The following RDH5 variants were observed in gnomAD, a reference collection of about 807,000 sequenced individuals.
The protein encoded by RDH5 is 11-cis RDH.
RDH5 carries 25 observed loss-of-function variants against 24.0 expected under a neutral mutation model. That is an observed-to-expected ratio of 1.04 (90% CI 0.76 to 1.46). The LOEUF is 1.46. RDH5 is among the 40% of genes most tolerant of loss of function. The pLI, the probability that RDH5 is intolerant of heterozygous loss-of-function variation, is 0.00. For synonymous variants in RDH5, 170 were observed against 175.2 expected (o/e 0.97, Z 0.23); for missense variants, 369 against 410.3 (o/e 0.90, Z 0.87).
At position 55,721,649 on chromosome 12, in the gene RDH5, T is replaced by G; in HGVS notation, c.311-40T>G. On this transcript the variant is annotated intron_variant, in intron 2 of 4. Coordinates refer to ENST00000257895, the MANE Select transcript of RDH5 (RefSeq NM_002905.5). The surrounding 1 kb of genome is among the most constrained non-coding windows in gnomAD (Gnocchi z 4.7). ...CAGGAAGAAGAGGGAGCTGTGGGAG[T>G]GCCTCACCTACCCCCAGCATCCTTT... The G allele has an allele frequency of 6.2e-7, 1 of 1,602,954 alleles. No individual in the cohort carries two copies. Among genetic ancestry groups the G allele is most frequent in the Admixed American group, 1.7e-5 (1 of 59,998 alleles).
In RDH5 at chr12:55,721,093, T is replaced by C. The variant is rs1876890173; in HGVS notation, c.-32-60T>C. On this transcript the variant is annotated intron_variant, in intron 1 of 4. Transcript: ENST00000257895. The surrounding 1 kb of genome is among the most constrained non-coding windows in gnomAD (Gnocchi z 4.7). ...ACCAGATGCTTCCAGCTAGGGAGGG[T>C]ATTAGGGGAAAGGGCTTGAGGGCCA... The C allele has an allele frequency of 1.8e-6, 2 of 1,088,500 alleles. No individual in the cohort carries two copies. Among genetic ancestry groups the C allele is most frequent in the Admixed American group, 3.4e-5 (2 of 58,570 alleles). The allele number at this position is 1,088,500 out of a possible 1,614,324, so 67.4% of individuals were successfully genotyped here.
Position 55,721,288 on chromosome 12 carries a change from G to T in RDH5, c.104G>T (p.Gly35Val). ...PASNAFVFIT[G>V]CDSGFGRLLA... ...AGCAATGCCTTTGTCTTCATCACCG[G>T]CTGTGACTCAGGCTTTGGGCGCCTT... Residue 35 changes from glycine (G) to valine (V), a missense_variant, in exon 2 of 5, where the codon GGC becomes GTC. Transcript: ENST00000257895. The surrounding 1 kb of genome is among the most constrained non-coding windows in gnomAD (Gnocchi z 4.7). 1 of 1,614,116 alleles carries T rather than the reference G, an allele frequency of 6.2e-7. No homozygotes were observed. The highest frequency in any genetic ancestry group is 8.5e-7 in the Non-Finnish European group (1 of 1,180,042).
intron 3 of RDH5, 86 bp downstream of exon 3, chr12:55,722,033 C>T: frequency 1.4e-6 from 2 of 1,384,356 alleles, no homozygotes; most frequent in Non-Finnish European, 2.0e-6. Flanking sequence ...AGATACAGCA[C>T]ATTGGAATAG....
intron 3 of RDH5, 187 bp downstream of exon 3, chr12:55,722,134 T>G (rs1333317674): frequency 1.6e-6 from 1 of 624,990 alleles, no homozygotes; most frequent in East Asian, 2.8e-5. Flanking sequence ...TTACTTCTCT[T>G]TACCCATTTT....
intron 3 of RDH5, chr12:55,722,199 G>C (rs1448228795): frequency 4.4e-6 from 2 of 454,596 alleles, no homozygotes; most frequent in Non-Finnish European, 7.9e-6. Context: ...CGCCAGGCTG[G>C]AGTGCAGTGG....
At chr12:55,724,279 A>G in intron 4 of RDH5, 43 bp from the exon 5 acceptor site, 10 of 1,604,320 alleles carry the variant, frequency 6.2e-6, no homozygotes, top group Non-Finnish European at 8.5e-6. Flanking sequence ...GATGGGCTGG[A>G]GTGAGGAAGG....
intron 3 of RDH5, 53 bp from the exon 4 acceptor site, chr12:55,723,833 G>A: frequency 3.1e-6 from 5 of 1,603,592 alleles, no homozygotes; most frequent in Non-Finnish European, 4.2e-6. Context: ...GTCCCTCAAA[G>A]TCCCCTCCCT....
chr12:55,724,189 C>A, intron 4 of RDH5, 133 bp from the exon 5 acceptor site: 2 of 1,432,418 alleles, frequency 1.4e-6, no homozygotes, highest in Non-Finnish European at 1.9e-6. Context: ...AGTGCCCAGG[C>A]CATGTGGAAC....
intron 3 of RDH5, chr12:55,722,854 A>G (rs1262929269): frequency 6.6e-6 from 1 of 152,136 alleles, no homozygotes; most frequent in Non-Finnish European, 1.5e-5. Context: ...CTGAGTTCTT[A>G]GCAGGAGTAT....
In RDH5 at chr12:55,724,387, T is replaced by C. The variant is rs1877098903; in HGVS notation, c.799T>C (p.Cys267Arg). The change falls in exon 5 of 5, where the codon TGC becomes CGC. Residue 267 changes from cysteine (C) to arginine (R), a missense_variant. Coordinates refer to ENST00000257895, the MANE Select transcript of RDH5 (RefSeq NM_002905.5). Reference protein sequence around the residue: ...CDPDLTKVSRCLEHALTARHP... With the variant: ...CDPDLTKVSRRLEHALTARHP... ...CCCGGACCTAACCAAGGTGAGCCGATGCCTGGAGCATGCCCTGACTGCTCG... is the reference window on the plus strand; with the variant it reads ...CCCGGACCTAACCAAGGTGAGCCGACGCCTGGAGCATGCCCTGACTGCTCG... 1.9e-6 allele frequency: 3 copies of C among 1,614,216 alleles called. No homozygotes were observed. Among genetic ancestry groups the C allele is most frequent in the Non-Finnish European group, 2.5e-6 (3 of 1,180,032 alleles).
chr12:55,723,902 T>C lies in RDH5; in HGVS notation c.586T>C (p.Phe196Leu), dbSNP rs1459367795. 3 of 1,613,970 alleles carry C rather than the reference T, an allele frequency of 1.9e-6. No individual in the cohort carries two copies. Among genetic ancestry groups the C allele is most frequent in the Admixed American group, 3.3e-5 (2 of 60,034 alleles). The change falls in exon 4 of 5, where the codon TTT (phenylalanine) becomes CTT (leucine). Residue 196 changes from phenylalanine (F) to leucine (L), a missense_variant. Phe to Leu is a conservative substitution (Grantham distance 22, BLOSUM62 0). Coordinates refer to ENST00000257895, the MANE Select transcript of RDH5 (RefSeq NM_002905.5). ...SDSLRRDVAH[F>L]GIRVSIVEPG... ...CGACTCTAGGCGGGATGTAGCTCAT[T>C]TTGGGATACGAGTCTCCATCGTGGA...
chr12:55,723,721 T>C (rs1360629468), intron 3 of RDH5, 165 bp from the exon 4 acceptor site: 2 of 739,038 alleles, frequency 2.7e-6, no homozygotes, highest in Middle Eastern at 2.3e-4. Flanking sequence ...CAAAAATACT[T>C]TCCTCCCTCT....
chr12:55,723,779 T>G, intron 3 of RDH5, 107 bp from the exon 4 acceptor site: 3 of 1,323,874 alleles, frequency 2.3e-6, no homozygotes, highest in Non-Finnish European at 3.2e-6. Context: ...CCGTCAAAAC[T>G]CTTGTCCCTG....
Position 55,724,374 on chromosome 12 carries a change from C to G in RDH5, c.786C>G (p.Thr262=), listed in dbSNP as rs1412127657. The part of the protein sequence containing the change: ...IMNLICDPDL[T]KVSRCLEHAL... ...ACCTGATCTGTGACCCGGACCTAACCAAGGTGAGCCGATGCCTGGAGCATG... is the reference window on the plus strand; with the variant it reads ...ACCTGATCTGTGACCCGGACCTAACGAAGGTGAGCCGATGCCTGGAGCATG... Residue 262 remains threonine, a synonymous_variant, in exon 5 of 5, where the codon ACC becomes ACG. Coordinates refer to ENST00000257895, the MANE Select transcript of RDH5 (RefSeq NM_002905.5). The G allele has an allele frequency of 1.2e-6, 2 of 1,614,208 alleles. No individual in the cohort carries two copies. The highest frequency in any genetic ancestry group is 8.5e-7 in the Non-Finnish European group (1 of 1,180,052).
Position 55,721,400 on chromosome 12 carries a change from C to T in RDH5, c.216C>T (p.Ala72=). 1 of 1,613,802 alleles carries T rather than the reference C, an allele frequency of 6.2e-7. No individual in the cohort carries two copies. The highest frequency in any genetic ancestry group is 8.5e-7 in the Non-Finnish European group (1 of 1,180,006). ...PSGAEDLQRV[A]SSRLHTTLLD... The stretch of plus-strand genomic sequence containing the variant: ...GGGCCGAGGACCTGCAGCGGGTGGC[C>T]TCCTCCCGCCTCCACACCACCCTGT... The change falls in exon 2 of 5, where the codon GCC becomes GCT. Residue 72 remains alanine (A), a synonymous_variant. Transcript: ENST00000257895. The surrounding 1 kb of genome is among the most constrained non-coding windows in gnomAD (Gnocchi z 4.7).
chr12:55,721,799 A>G lies in RDH5; in HGVS notation c.421A>G (p.Ile141Val), dbSNP rs1162390012. The change falls in exon 3 of 5, where the codon ATC becomes GTC. Residue 141 changes from isoleucine to valine, a missense_variant. Ile to Val is a conservative substitution (Grantham distance 29). Coordinates refer to ENST00000257895, the MANE Select transcript of RDH5 (RefSeq NM_002905.5). The surrounding 1 kb of genome is among the most constrained non-coding windows in gnomAD (Gnocchi z 4.7). Reference sequence around the variant, plus strand: ...GCTGAATGTGAACACAATGGGTCCCATCGGGGTCACCCTTGCCCTGCTGCC... The same window carrying G: ...GCTGAATGTGAACACAATGGGTCCCGTCGGGGTCACCCTTGCCCTGCTGCC... ...RVLNVNTMGP[I>V]GVTLALLPLL... The G allele has an allele frequency of 1.2e-6, 2 of 1,614,094 alleles. No homozygotes were observed. The highest frequency in any genetic ancestry group is 1.7e-6 in the Non-Finnish European group (2 of 1,180,034).
chr12:55,720,883 C>CAAA (rs4016511), intron 1 of RDH5: 1,394 of 99,926 alleles, frequency 0.014, 32 homozygotes, highest in Admixed American at 0.033. Flanking sequence ...GACTCCATCT[C>CAAA]AAAAAAAAAA....
At chr12:55,720,800 G>GT in intron 1 of RDH5, 1 of 241,000 alleles carries the variant, frequency 4.1e-6, no homozygotes, top group Non-Finnish European at 7.9e-6. Context: ...AGTGTCCCTG[G>GT]TTTAGAAGGA....
rs780650676 is a variant in RDH5, at chr12:55,721,325, G to A, written c.141G>A (p.Gln47=). The A allele has an allele frequency of 1.9e-6, 3 of 1,614,106 alleles. No homozygotes were observed. The Admixed American group carries it at 5.0e-5, about 27-fold the overall frequency. Residue 47 remains glutamine, a synonymous_variant, in exon 2 of 5, where the codon CAG becomes CAA. Coordinates refer to ENST00000257895, the MANE Select transcript of RDH5 (RefSeq NM_002905.5). The surrounding 1 kb of genome is among the most constrained non-coding windows in gnomAD (Gnocchi z 4.7). ...GCTTTGGGCGCCTTCTGGCACTGCA[G>A]CTGGACCAGAGAGGCTTCCGAGTCC... ...DSGFGRLLAL[Q]LDQRGFRVLA... is the part of the protein sequence containing the mutation.
Sources: allele counts gnomAD v4.1 joint callset, GRCh38; gene constraint gnomAD v4.1.1; non-coding constraint Gnocchi (gnomAD v3.1); transcripts MANE v1.5; gene names NCBI Gene and HGNC (gene_info 2026-07-23, HGNC 2026-07-21).